TRIT1: variants seen among roughly 807,000 people sequenced by gnomAD.
The protein encoded by TRIT1 is tRNA isopentenyltransferase 1.
In TRIT1, 43 loss-of-function variants were observed where a neutral mutation model predicts 51.2. The ratio of observed to expected loss-of-function variants is 0.84; its 90% confidence interval spans 0.66 to 1.08. TRIT1 has a LOEUF of 1.08. Among genes scored for constraint, TRIT1 ranks in the 50% least tolerant of loss-of-function variants. The pLI is 0.00. For missense variants in TRIT1, 528 were observed against 578.4 expected, an observed-to-expected ratio of 0.91 and a Z score of 0.89; for synonymous variants, 184 against 203.9, an observed-to-expected ratio of 0.90 and a Z score of 0.83.
chr1:39,852,760 C>T lies in TRIT1; in HGVS notation c.531G>A (p.Leu177=), dbSNP rs964893317. 6.2e-7 allele frequency: 1 copy of T among 1,613,944 alleles called. No individual in the cohort carries two copies. Among genetic ancestry groups the T allele is most frequent in the African/African-American group, 1.3e-5 (1 of 74,920 alleles). Residue 177 remains leucine, a synonymous_variant, in exon 4 of 11, where the codon CTG becomes CTA. Transcript: ENST00000316891. ...SQVDPEMAAK[L]HPHDKRKVAR... is the part of the protein sequence containing the mutation. ...CCACTTTGCGTTTGTCATGTGGATGCAGCTTGGCAGCCATTTCTGGGTCCA... is the reference window on the plus strand; with the variant it reads ...CCACTTTGCGTTTGTCATGTGGATGTAGCTTGGCAGCCATTTCTGGGTCCA...
At chr1:39,847,957 G>A (rs1291107005) in intron 6 of TRIT1, 29 bp downstream of exon 6, 3 of 1,579,410 alleles carry the variant, frequency 1.9e-6, no homozygotes, top group Non-Finnish European at 2.6e-6. Context: ...AATATGGACA[G>A]TAGGTCAGAA....
intron 1 of TRIT1, 105 bp downstream of exon 1, chr1:39,883,213 C>T: frequency 1.6e-6 from 2 of 1,276,392 alleles, no homozygotes; most frequent in South Asian, 1.4e-5. Flanking sequence ...TACCTACCCC[C>T]TCCGCCCCTA....
At chr1:39,853,872 A>G in intron 3 of TRIT1, 98 bp downstream of exon 3, 1 of 788,514 alleles carries the variant, frequency 1.3e-6, no homozygotes, top group Non-Finnish European at 2.0e-6. Context: ...GTTGCTGGGT[A>G]TAAGAAATAG....
At chr1:39,854,742 A>G (rs1189811221) in intron 2 of TRIT1, among the ~76,000 whole-genome samples, 3 of 152,202 alleles carry the variant, frequency 2.0e-5, no homozygotes, top group African/African-American at 7.2e-5. Flanking sequence ...TCAATTTACT[A>G]TAGCCACTAT....
At chr1:39,862,647 A>T in intron 1 of TRIT1, 1 of 423,400 alleles carries the variant, frequency 2.4e-6, no homozygotes, top group Non-Finnish European at 3.2e-6. Context: ...CTTAGAAATT[A>T]ATCAATTTTG....
chr1:39,850,582 C>T (rs1642504224), intron 4 of TRIT1, among the ~76,000 whole-genome samples: 1 of 152,156 alleles, frequency 6.6e-6, no homozygotes, highest in South Asian at 2.1e-4. Flanking sequence ...TCCAGTCCTA[C>T]AGCTACTCAG....
At chr1:39,857,555 A>G in intron 1 of TRIT1, 138 bp from the exon 2 acceptor site, 2 of 873,938 alleles carry the variant, frequency 2.3e-6, no homozygotes, top group Non-Finnish European at 3.4e-6. Flanking sequence ...ATGTATTCTA[A>G]CAAACAGCAC....
At chr1:39,861,190 T>C (rs981063513) in intron 1 of TRIT1, among the ~76,000 whole-genome samples, 1 of 152,170 alleles carries the variant, frequency 6.6e-6, no homozygotes, top group African/African-American at 2.4e-5. Flanking sequence ...CCCTTGTGCA[T>C]TGATGAGGGG....
At chr1:39,849,971 C>T in intron 5 of TRIT1, 148 bp downstream of exon 5, 1 of 853,124 alleles carries the variant, frequency 1.2e-6, no homozygotes. Flanking sequence ...CCTAAGCCAA[C>T]AAATAATGAT....
At position 39,857,282 on chromosome 1, in the gene TRIT1, C is replaced by G. The variant is rs562131479; in HGVS notation, c.310G>C (p.Ala104Pro). 6.2e-7 allele frequency: 1 copy of G among 1,609,758 alleles called. No homozygotes were observed. Among genetic ancestry groups the G allele is most frequent in the Non-Finnish European group, 8.5e-7 (1 of 1,177,700 alleles). ...TVVDFRNRAT[A>P]LIEDIFARDK... ...GCTGCCTTTCCTAAGGATATCAGAG[C>G]AGTTGCTCTATTTCTGAAGTCCACC... Residue 104 changes from alanine (A) to proline (P), a missense_variant, in exon 2 of 11, where the codon GCT becomes CCT. Physicochemically the swap from Ala to Pro is conservative, Grantham distance 27 (BLOSUM62 -1). Coordinates refer to ENST00000316891, the MANE Select transcript of TRIT1 (RefSeq NM_017646.6).
chr1:39,852,971 A>C, intron 3 of TRIT1, 95 bp from the exon 4 acceptor site: 1 of 1,355,384 alleles, frequency 7.4e-7, no homozygotes, highest in Non-Finnish European at 1.0e-6. Flanking sequence ...ATACAGAATA[A>C]TCAGAAGATC....
At position 39,840,782 on chromosome 1, in the gene TRIT1, T is replaced by A. The variant is rs148558929; in HGVS notation, c.*962A>T. Among the ~76,000 whole-genome samples the A allele has an allele frequency of 3.5e-3, 529 of 152,348 alleles. 1 individual carries two copies. The highest frequency in any genetic ancestry group is 0.012 in the African/African-American group (484 of 41,586). ...TAAAAATGCTATATTTGATGTTATA[T>A]ATAAATAAGTATCTGTTTAACATTG... On this transcript the variant is annotated 3_prime_UTR_variant, in exon 11 of 11. Transcript: ENST00000316891.
chr1:39,851,810 T>C (rs932773894), intron 4 of TRIT1, among the ~76,000 whole-genome samples: 1 of 151,586 alleles, frequency 6.6e-6, no homozygotes, highest in Non-Finnish European at 1.5e-5. Flanking sequence ...TAGCCAGGTA[T>C]AGTAGTGCAC....
intron 1 of TRIT1, among the ~76,000 whole-genome samples, chr1:39,866,659 G>T (rs954985894): frequency 1.3e-5 from 2 of 152,070 alleles, no homozygotes; most frequent in Non-Finnish European, 2.9e-5. Flanking sequence ...GAATAAACTG[G>T]ACACATTAAG....
At chr1:39,842,706 T>C (rs1641985116) in intron 10 of TRIT1, among the ~76,000 whole-genome samples, 1 of 152,252 alleles carries the variant, frequency 6.6e-6, no homozygotes, top group Non-Finnish European at 1.5e-5. Flanking sequence ...AAATCTCATC[T>C]GGGAACACTG....
intron 1 of TRIT1, among the ~76,000 whole-genome samples, chr1:39,863,552 A>G (rs1376117342): frequency 6.6e-6 from 1 of 152,236 alleles, no homozygotes; most frequent in Non-Finnish European, 1.5e-5. Context: ...TATAACCACT[A>G]AACATTTAAT....
chr1:39,841,183 T>C lies in TRIT1; in HGVS notation c.*561A>G, dbSNP rs776429075. The C allele has an allele frequency of 6.6e-6, 1 of 152,252 alleles. No individual in the cohort carries two copies. The highest frequency in any genetic ancestry group is 1.5e-5 in the Non-Finnish European group (1 of 68,048). 9.4% of individuals were successfully genotyped at this position (152,252 alleles called of 1,614,324 possible). A position where few individuals can be genotyped will look rare whatever the true frequency, so the allele number is the denominator to read the frequency against. ...AAGTCTTTGGTCTTCAAGTCCTATG[T>C]CACAGCTTCCTCAGTCTGATTCCCT... On this transcript the variant is annotated 3_prime_UTR_variant, in exon 11 of 11. Transcript: ENST00000316891.
Position 39,883,311 on chromosome 1 carries a change from G to A in TRIT1, c.174+7C>T, listed in dbSNP as rs750995070. On this transcript the variant is annotated splice_region_variant and intron_variant, in intron 1 of 10. Coordinates refer to ENST00000316891, the MANE Select transcript of TRIT1 (RefSeq NM_017646.6). ...CCCAGGCGCCCGGGCCAGCCGCACT[G>A]CCATACCTGCATGGAGTCAGCGCTG... 4 of 1,602,024 alleles carry A rather than the reference G, an allele frequency of 2.5e-6. No homozygotes were observed. In the Admixed American group the frequency reaches 5.1e-5, roughly 21 times the overall value.
intron 1 of TRIT1, among the ~76,000 whole-genome samples, chr1:39,877,481 T>C (rs992624403): frequency 2.6e-5 from 4 of 152,196 alleles, no homozygotes; most frequent in East Asian, 1.9e-4. Flanking sequence ...TGTGCTCCTA[T>C]GTACGGCTAC....
Sources: gnomAD v4.1 joint callset for allele counts (sites outside exome capture counted in the v4.1 genomes callset) on GRCh38, gnomAD v4.1.1 for gene constraint, MANE v1.5 for transcripts, NCBI Gene and HGNC (gene_info 2026-07-23, HGNC 2026-07-21) for gene names.